EDARADD: variants seen among roughly 807,000 people sequenced by gnomAD.
EDARADD encodes the protein EDAR associated via death domain.
EDARADD carries 20 observed loss-of-function variants against 25.6 expected under a neutral mutation model. That is an observed-to-expected ratio of 0.78 (90% CI 0.55 to 1.14). The LOEUF (loss-of-function observed/expected upper bound fraction) is 1.14, where lower values mean the gene tolerates loss of function less well. Among genes scored for constraint, EDARADD ranks in the 50% most tolerant of loss-of-function variants. EDARADD has a pLI of 0.00. For missense variants in EDARADD, 225 were observed against 270.1 expected (o/e 0.83, Z 1.17); for synonymous variants, 86 against 94.4 (o/e 0.91, Z 0.52).
Position 236,386,070 on chromosome 1 carries a change from C to T in EDARADD, c.-5-23146C>T, listed in dbSNP as rs1558106304. On this transcript the variant is annotated intron_variant, in intron 3 of 7. Transcript: ENST00000439430. ...TGCCGAATGCCTGCAATTGCAGGCA[C>T]GCGCCGCCACGCCTGACTGGTTTTG... is the stretch of plus-strand genomic sequence containing the variant. Among the ~76,000 whole-genome samples the T allele has an allele frequency of 5.9e-5, 2 of 33,926 alleles. 1 individual carries two copies. The highest frequency in any genetic ancestry group is 1.6e-4 in the African/African-American group (2 of 12,138). 22.3% of individuals were successfully genotyped at this position (33,926 alleles called of 152,430 possible). A position where few individuals can be genotyped will look rare whatever the true frequency, so the allele number is the denominator to read the frequency against.
chr1:236,435,230 A>G (rs1408970811), intron 4 of EDARADD, among the ~76,000 whole-genome samples: 1 of 152,238 alleles, frequency 6.6e-6, no homozygotes, highest in Non-Finnish European at 1.5e-5. Context: ...AGAGGAAGAA[A>G]GGAGCTCAGA....
intron 3 of EDARADD, among the ~76,000 whole-genome samples, chr1:236,373,060 C>T (rs1238151940): frequency 3.3e-5 from 5 of 150,684 alleles, no homozygotes; most frequent in South Asian, 2.1e-4. Flanking sequence ...GGACTACAGG[C>T]GCTTGCCACC....
intron 5 of EDARADD, among the ~76,000 whole-genome samples, chr1:236,478,750 A>G (rs1360096107): frequency 1.9e-4 from 29 of 151,968 alleles, no homozygotes; most frequent in African/African-American, 7.3e-5. Flanking sequence ...TCACGCCCAG[A>G]TAACTTTTTG....
chr1:236,478,712 G>A (rs543168686), intron 5 of EDARADD, among the ~76,000 whole-genome samples: 1 of 152,194 alleles, frequency 6.6e-6, no homozygotes, highest in South Asian at 2.1e-4. Flanking sequence ...TCAGCCTCCT[G>A]AGTAGCTGGG....
intron 3 of EDARADD, among the ~76,000 whole-genome samples, chr1:236,352,199 C>G (rs1428533882): frequency 2.0e-5 from 3 of 152,140 alleles, no homozygotes; most frequent in Non-Finnish European, 4.4e-5. Context: ...CCTATGACCA[C>G]CCTGTATTAT....
intron 3 of EDARADD, among the ~76,000 whole-genome samples, chr1:236,424,033 G>A (rs909622277): frequency 1.3e-5 from 2 of 151,964 alleles, no homozygotes; most frequent in African/African-American, 4.8e-5. Context: ...TCAAACCTGG[G>A]AAATGGAGGT....
At chr1:236,357,287 A>G (rs138267371) in intron 3 of EDARADD, among the ~76,000 whole-genome samples, 20 of 152,286 alleles carry the variant, frequency 1.3e-4, no homozygotes, top group South Asian at 6.2e-4. Flanking sequence ...CTGAATCAGC[A>G]GGCTTTTTCA....
At position 236,421,136 on chromosome 1, in the gene EDARADD, C is replaced by T. The variant is rs147083709; in HGVS notation, c.161-6256C>T. On this transcript the variant is annotated intron_variant, in intron 3 of 5. Coordinates refer to ENST00000334232, the MANE Select transcript of EDARADD (RefSeq NM_145861.4). Reference sequence around the variant, plus strand: ...CAAACACATGACACTCAACACTTAACAGATGAGATCGACAGGAATTTATGA... The same window carrying T: ...CAAACACATGACACTCAACACTTAATAGATGAGATCGACAGGAATTTATGA... 1.8e-4 allele frequency among the ~76,000 whole-genome samples: 26 copies of T among 147,616 alleles called. 2 individuals are homozygous for T. The highest frequency in any genetic ancestry group is 6.4e-4 in the African/African-American group (26 of 40,450).
chr1:236,427,971 TATTTTA>T (rs146781901), intron 4 of EDARADD, among the ~76,000 whole-genome samples: 66,672 of 143,394 alleles, frequency 0.46, 17,038 homozygotes, highest in Non-Finnish European at 0.58. Flanking sequence ...TATTTTATTT[TATTTTA>T]TTTTTTTAGT....
At chr1:236,378,113 T>G (rs1667247737) in intron 3 of EDARADD, among the ~76,000 whole-genome samples, 1 of 152,108 alleles carries the variant, frequency 6.6e-6, no homozygotes. Context: ...CCCACCCCCC[T>G]TTAGGTGGGA....
At chr1:236,431,870 G>A (rs1470721970) in intron 4 of EDARADD, among the ~76,000 whole-genome samples, 1 of 48,948 alleles carries the variant, frequency 2.0e-5, no homozygotes, top group African/African-American at 4.0e-5. Context: ...GCAGTGAGCC[G>A]AGATTGCGCC....
intron 3 of EDARADD, among the ~76,000 whole-genome samples, chr1:236,414,645 G>A (rs1179690988): frequency 1.3e-5 from 2 of 152,034 alleles, no homozygotes; most frequent in East Asian, 1.9e-4. Context: ...TTTAAAAAGC[G>A]GGAACTGGCC....
chr1:236,482,114 CAA>C (rs374553103), intron 5 of EDARADD, among the ~76,000 whole-genome samples, 151 bp from the exon 6 acceptor site: 50 of 73,298 alleles, frequency 6.8e-4, no homozygotes, highest in African/African-American at 1.2e-3. Context: ...GACTCCATCT[CAA>C]AAAAAAAAAA....
intron 1 of EDARADD, among the ~76,000 whole-genome samples, chr1:236,400,455 A>G (rs1445771576): frequency 1.3e-5 from 2 of 152,098 alleles, no homozygotes; most frequent in African/African-American, 4.8e-5. Flanking sequence ...TGAGGTGCTG[A>G]AAAGACAGAG....
At chr1:236,406,067 C>T (rs1294836755) in intron 1 of EDARADD, among the ~76,000 whole-genome samples, 1 of 151,506 alleles carries the variant, frequency 6.6e-6, no homozygotes, top group Non-Finnish European at 1.5e-5. Flanking sequence ...TGGCTCCACA[C>T]TCCAAACCCA....
Position 236,395,569 on chromosome 1 carries a change from T to A in EDARADD, c.61+1064T>A. The A allele has an allele frequency of 1.3e-6, 2 of 1,543,308 alleles. No homozygotes were observed. The highest frequency in any genetic ancestry group is 8.7e-7 in the Non-Finnish European group (1 of 1,147,074). On this transcript the variant is annotated intron_variant, in intron 1 of 5. Coordinates refer to ENST00000334232, the MANE Select transcript of EDARADD (RefSeq NM_145861.4). This position sits in a 1 kb window ranked among gnomAD's most constrained non-coding sequence, Gnocchi z 6.9. ...TTTCATCCCCGTGGTCCCACGGTCCTCCCGCGCCCCGGAGGCCTGCCAGCC... is the reference window on the plus strand; with the variant it reads ...TTTCATCCCCGTGGTCCCACGGTCCACCCGCGCCCCGGAGGCCTGCCAGCC...
intron 4 of EDARADD, among the ~76,000 whole-genome samples, chr1:236,432,713 C>T (rs113773521): frequency 8.5e-5 from 13 of 152,108 alleles, no homozygotes; most frequent in African/African-American, 1.7e-4. Context: ...AGTGAAACCC[C>T]GTCCCTACTA....
chr1:236,348,549 G>A (rs1356923543), intron 1 of EDARADD, among the ~76,000 whole-genome samples: 5 of 152,234 alleles, frequency 3.3e-5, no homozygotes, highest in South Asian at 2.1e-4. Flanking sequence ...ACCCTGCACA[G>A]CCTTGATTTT....
intron 2 of EDARADD, among the ~76,000 whole-genome samples, chr1:236,412,242 GCTT>G (rs1657510874): frequency 1.3e-5 from 2 of 152,122 alleles, no homozygotes. Context: ...GAACTCCTGT[GCTT>G]CTTCCCATCT....
Sources: allele counts gnomAD v4.1 joint callset (sites outside exome capture counted in the v4.1 genomes callset), GRCh38; gene constraint gnomAD v4.1.1; non-coding constraint Gnocchi (gnomAD v3.1); transcripts MANE v1.5; gene names NCBI Gene and HGNC (gene_info 2026-07-23, HGNC 2026-07-21).